HOMEZ: variants seen among roughly 807,000 people sequenced by gnomAD.
HOMEZ encodes the protein homeobox and leucine zipper encoding.
A neutral mutation model predicts 50.1 loss-of-function variants in HOMEZ; 20 were observed. The observed-to-expected ratio is 0.40, with a 90% CI of 0.28 to 0.58. The LOEUF (loss-of-function observed/expected upper bound fraction) is 0.58, where lower values mean the gene tolerates loss of function less well. Among genes scored for constraint, HOMEZ ranks in the 20% least tolerant of loss-of-function variants. The pLI is 0.46. For synonymous variants in HOMEZ, 239 were observed against 254.7 expected (o/e 0.94, Z 0.59); for missense variants, 579 against 680.5 (o/e 0.85, Z 1.66).
intron 1 of HOMEZ, among the ~76,000 whole-genome samples, chr14:23,280,576 T>C (rs1886467414): frequency 6.6e-6 from 1 of 152,070 alleles, no homozygotes; most frequent in African/African-American, 2.4e-5. Flanking sequence ...CTCAAGTTAT[T>C]TCCCAGAATA....
chr14:23,280,619 G>C (rs1289886490), intron 1 of HOMEZ, among the ~76,000 whole-genome samples: 1 of 151,648 alleles, frequency 6.6e-6, no homozygotes, highest in African/African-American at 2.4e-5. Context: ...AGCTCCCTGT[G>C]TGGGCACTAG....
At chr14:23,282,921 T>A (rs557687153) in intron 1 of HOMEZ, among the ~76,000 whole-genome samples, 1 of 152,346 alleles carries the variant, frequency 6.6e-6, no homozygotes, top group South Asian at 2.1e-4. Flanking sequence ...AAGGCACAGC[T>A]GTATAGCTGG....
At chr14:23,277,908 C>CA (rs1351783813) in intron 1 of HOMEZ, among the ~76,000 whole-genome samples, 3 of 148,208 alleles carry the variant, frequency 2.0e-5, no homozygotes, top group African/African-American at 7.5e-5. Context: ...TGGCTCACTG[C>CA]AACCTCCACC....
At chr14:23,280,704 T>TATTCTTA (rs968351125) in intron 1 of HOMEZ, among the ~76,000 whole-genome samples, 1 of 86,522 alleles carries the variant, frequency 1.2e-5, no homozygotes, top group African/African-American at 3.7e-5. Context: ...TATTTTTATA[T>TATTCTTA]TTTTATTTTT....
At chr14:23,285,626 A>C in intron 1 of HOMEZ, 1 of 355,386 alleles carries the variant, frequency 2.8e-6, no homozygotes. Flanking sequence ...GTCAGGGAAC[A>C]AAAAGTTATT....
chr14:23,283,758 G>A (rs932543639), intron 1 of HOMEZ, among the ~76,000 whole-genome samples: 1 of 152,092 alleles, frequency 6.6e-6, no homozygotes, highest in African/African-American at 2.4e-5. Flanking sequence ...AGCCGGGCAT[G>A]GTGGCATGCG....
chr14:23,284,922 C>T lies in HOMEZ; in HGVS notation c.40+991G>A, dbSNP rs536925622. 5 of 152,302 alleles carry T rather than the reference C, an allele frequency of 3.3e-5. No individual in the cohort carries two copies. In the South Asian group the frequency reaches 1.0e-3, roughly 32 times the overall value. 9.4% of individuals were successfully genotyped at this position (152,302 alleles called of 1,614,324 possible). A position where few individuals can be genotyped will look rare whatever the true frequency, so the allele number is the denominator to read the frequency against. ...CCTGGGAAGCTTAAAAACCAGGCCA[C>T]CCTCCTTCCCATTCAGGTTCAATAG... is the stretch of plus-strand genomic sequence containing the variant. On this transcript the variant is annotated intron_variant, in intron 1 of 1. Transcript: ENST00000357460.
rs1300449002 is a variant in HOMEZ at position 23,275,594 on chromosome 14, TCA to T, written c.1632_1633del (p.Asp544GlufsTer21). 1.9e-6 allele frequency: 1 copy of T among 513,584 alleles called. No homozygotes were observed. Among genetic ancestry groups the T allele is most frequent in the Admixed American group, 4.3e-5 (1 of 23,214 alleles). 31.8% of individuals were successfully genotyped at this position (513,584 alleles called of 1,614,324 possible). ...CCCCACTCAGTCTTGTATGATCACA[TCA>T]TCATCATCATCATCATCATCTTCCT... is the stretch of plus-strand genomic sequence containing the variant. On this transcript the variant is annotated frameshift_variant, in exon 2 of 2. Coordinates refer to ENST00000357460, the MANE Select transcript of HOMEZ (RefSeq NM_020834.3). LOFTEE classifies it high-confidence loss of function.
intron 1 of HOMEZ, among the ~76,000 whole-genome samples, chr14:23,283,512 G>C (rs1040947956): frequency 2.0e-5 from 3 of 152,140 alleles, no homozygotes; most frequent in Admixed American, 2.0e-4. Context: ...TAAACTTCCA[G>C]TTTCTGTGTT....
In HOMEZ at chr14:23,285,978, G is replaced by T; in HGVS notation, c.-26C>A. On this transcript the variant is annotated 5_prime_UTR_variant, in exon 1 of 2. Coordinates refer to ENST00000357460, the MANE Select transcript of HOMEZ (RefSeq NM_020834.3). ...GGGCCGGGGGGAAGTGGGGGAGAGG[G>T]CAGGGGGCCTCCGAGTGGGAGTGGG... 1 of 1,237,242 alleles carries T rather than the reference G, an allele frequency of 8.1e-7. No homozygotes were observed. Among genetic ancestry groups the T allele is most frequent in the Non-Finnish European group, 1.0e-6 (1 of 984,376 alleles). 76.6% of individuals were successfully genotyped at this position (1,237,242 alleles called of 1,614,324 possible).
Position 23,276,592 on chromosome 14 carries a change from T to G in HOMEZ, c.636A>C (p.Ala212=), listed in dbSNP as rs758984751. ...KESLMTPGSG[A]FPYQSDFWQH... Reference sequence around the variant, plus strand: ...GCCAAAAATCTGATTGGTAGGGGAATGCTCCACTGCCAGGTGTCATCAGGG... The same window carrying G: ...GCCAAAAATCTGATTGGTAGGGGAAGGCTCCACTGCCAGGTGTCATCAGGG... The change falls in exon 2 of 2, where the codon GCA becomes GCC. Residue 212 remains alanine, a synonymous_variant. Transcript: ENST00000357460. The surrounding 1 kb of genome is among the most constrained non-coding windows in gnomAD (Gnocchi z 4.1). The G allele has an allele frequency of 4.3e-6, 7 of 1,613,928 alleles. No homozygotes were observed. The Admixed American group carries it at 5.0e-5, about 12-fold the overall frequency.
Position 23,274,472 on chromosome 14 carries a change from A to G in HOMEZ, c.*1103T>C, listed in dbSNP as rs922061597. 7 of 152,630 alleles carry G rather than the reference A, an allele frequency of 4.6e-5. No individual in the cohort carries two copies. The highest frequency in any genetic ancestry group is 1.7e-4 in the African/African-American group (7 of 41,438). 9.5% of individuals were successfully genotyped at this position (152,630 alleles called of 1,614,324 possible). ...TCCCTAATTACCACCTCCAATAAAT[A>G]TCCATTCTAAATTATTCTCCACCCA... On this transcript the variant is annotated 3_prime_UTR_variant, in exon 2 of 2. Coordinates refer to ENST00000357460, the MANE Select transcript of HOMEZ (RefSeq NM_020834.3).
rs1886301169 is a variant in HOMEZ, at chr14:23,274,803, G to T, written c.*772C>A. The T allele has an allele frequency of 6.6e-6, 1 of 152,152 alleles. No homozygotes were observed. The highest frequency in any genetic ancestry group is 2.4e-5 in the African/African-American group (1 of 41,396). 9.4% of individuals were successfully genotyped at this position (152,152 alleles called of 1,614,324 possible). A position where few individuals can be genotyped will look rare whatever the true frequency, so the allele number is the denominator to read the frequency against. ...TGCCTGTAGTCCCAGCTACTCGGGA[G>T]GCTGAGGCAGGAGAATGGCATGAAC... On this transcript the variant is annotated 3_prime_UTR_variant, in exon 2 of 2. Transcript: ENST00000357460.
chr14:23,272,724 T>C lies in HOMEZ; in HGVS notation c.*2851A>G. The C allele has an allele frequency of 1.3e-6, 1 of 759,126 alleles. No homozygotes were observed. 47.0% of individuals were successfully genotyped at this position (759,126 alleles called of 1,614,324 possible). On this transcript the variant is annotated 3_prime_UTR_variant, in exon 2 of 2. Coordinates refer to ENST00000357460, the MANE Select transcript of HOMEZ (RefSeq NM_020834.3). ...AACTATGGGGAAGCAAAAGCAGTGGTGTCTGTCTCGATAAGCTTCATACAA... is the reference window on the plus strand; with the variant it reads ...AACTATGGGGAAGCAAAAGCAGTGGCGTCTGTCTCGATAAGCTTCATACAA...
At position 23,274,076 on chromosome 14, in the gene HOMEZ, T is replaced by C. The variant is rs188914456; in HGVS notation, c.*1499A>G. The C allele has an allele frequency of 2.8e-3, 424 of 152,762 alleles. 1 individual carries two copies. The highest frequency in any genetic ancestry group is 5.0e-3 in the Non-Finnish European group (342 of 68,032). 9.5% of individuals were successfully genotyped at this position (152,762 alleles called of 1,614,324 possible). ...AACAATTTTATTTTTGGCCTTTTTA[T>C]TATTATTCTAGCATTTTAGGGCTTC... On this transcript the variant is annotated 3_prime_UTR_variant, in exon 2 of 2. Transcript: ENST00000357460.
Position 23,282,117 on chromosome 14 carries a change from C to T in HOMEZ, c.40+3796G>A, listed in dbSNP as rs576324264. Among the ~76,000 whole-genome samples the T allele has an allele frequency of 1.4e-4, 22 of 152,234 alleles. No individual in the cohort carries two copies. The South Asian group carries it at 4.4e-3, about 30-fold the overall frequency. Reference sequence around the variant, plus strand: ...ATAGCAGCTTTTATCATGACTTCAACTTCATGGAGGTGATTTTGATGTGAA... The same window carrying T: ...ATAGCAGCTTTTATCATGACTTCAATTTCATGGAGGTGATTTTGATGTGAA... On this transcript the variant is annotated intron_variant, in intron 1 of 1. Coordinates refer to ENST00000357460, the MANE Select transcript of HOMEZ (RefSeq NM_020834.3).
chr14:23,286,059 C>G lies in HOMEZ; in HGVS notation c.-107G>C. On this transcript the variant is annotated 5_prime_UTR_variant, in exon 1 of 2. Transcript: ENST00000357460. ...ACCCCAGCGATGGCCGAAACCGGGA[C>G]TGCCCCCCCCACCGTCCCCGGGAGC... 8.1e-7 allele frequency: 1 copy of G among 1,231,294 alleles called. No homozygotes were observed. Among genetic ancestry groups the G allele is most frequent in the Non-Finnish European group, 1.0e-6 (1 of 987,366 alleles). The allele number at this position is 1,231,294 out of a possible 1,614,324, so 76.3% of individuals were successfully genotyped here.
At position 23,276,218 on chromosome 14, in the gene HOMEZ, T is replaced by C; in HGVS notation, c.1010A>G (p.His337Arg). The C allele has an allele frequency of 6.2e-7, 1 of 1,614,022 alleles. No homozygotes were observed. ...GCCAACTCTACCTGGTACTGAGTTA[T>C]GCCGTAGCCCTTGGGGCCAGGCTGG... ...LEPAWPQGLR[H>R]NSVPGRVGPT... The change falls in exon 2 of 2, where the codon CAT becomes CGT. Residue 337 changes from histidine (H) to arginine (R), a missense_variant. Physicochemically the swap from His to Arg is conservative, Grantham distance 29. Coordinates refer to ENST00000357460, the MANE Select transcript of HOMEZ (RefSeq NM_020834.3). The surrounding 1 kb of genome is among the most constrained non-coding windows in gnomAD (Gnocchi z 4.1).
chr14:23,273,103 G>T lies in HOMEZ; in HGVS notation c.*2472C>A. The T allele has an allele frequency of 2.6e-6, 1 of 391,596 alleles. No homozygotes were observed. The highest frequency in any genetic ancestry group is 4.6e-6 in the Non-Finnish European group (1 of 219,384). 24.3% of individuals were successfully genotyped at this position (391,596 alleles called of 1,614,324 possible). A position where few individuals can be genotyped will look rare whatever the true frequency, so the allele number is the denominator to read the frequency against. Reference sequence around the variant, plus strand: ...CAAAAGGCTAGTGCTTCAGGAAGATGTTTATATCTCTTCCAGAAGACACTG... The same window carrying T: ...CAAAAGGCTAGTGCTTCAGGAAGATTTTTATATCTCTTCCAGAAGACACTG... On this transcript the variant is annotated 3_prime_UTR_variant, in exon 2 of 2. Transcript: ENST00000357460.
Sources: gnomAD v4.1 joint callset for allele counts (sites outside exome capture counted in the v4.1 genomes callset) on GRCh38, gnomAD v4.1.1 for gene constraint, Gnocchi (gnomAD v3.1) non-coding constraint, MANE v1.5 for transcripts, NCBI Gene and HGNC (gene_info 2026-07-23, HGNC 2026-07-21) for gene names.